HEPHL1: variants seen among roughly 807,000 people sequenced by gnomAD.
The protein encoded by HEPHL1 is ferroxidase HEPHL1.
Under a neutral mutation model 122.0 loss-of-function variants are expected in HEPHL1, and 123 were observed. The observed-to-expected ratio is 1.01, with a 90% CI of 0.87 to 1.17. The LOEUF is 1.17. Among genes scored for constraint, HEPHL1 ranks in the 50% most tolerant of loss-of-function variants. The pLI is 0.00. For synonymous variants in HEPHL1, 527 were observed against 508.9 expected, an observed-to-expected ratio of 1.04 and a Z score of -0.48; for missense variants, 1,452 against 1,430.5, an observed-to-expected ratio of 1.01 and a Z score of -0.24.
chr11:94,073,365 C>T lies in HEPHL1; in HGVS notation c.1430C>T (p.Ala477Val), dbSNP rs1371168492. 6.3e-7 allele frequency: 1 copy of T among 1,592,182 alleles called. No individual in the cohort carries two copies. Among genetic ancestry groups the T allele is most frequent in the South Asian group, 1.1e-5 (1 of 87,664 alleles). The part of the protein sequence containing the change: ...DTLLVTFANK[A>V]DKVYSILPHG... Reference sequence around the variant, plus strand: ...CTGTTAGTGACCTTTGCCAACAAAGCCGACAAGGTCTATAGCATTTTACCC... The same window carrying T: ...CTGTTAGTGACCTTTGCCAACAAAGTCGACAAGGTCTATAGCATTTTACCC... Residue 477 changes from alanine (A) to valine (V), a missense_variant, in exon 8 of 20, where the codon GCC (alanine) becomes GTC (valine). Ala to Val is a moderately conservative substitution (Grantham distance 64). Coordinates refer to ENST00000315765, the MANE Select transcript of HEPHL1 (RefSeq NM_001098672.2).
At chr11:94,043,092 T>C (rs1340243242) in intron 1 of HEPHL1, among the ~76,000 whole-genome samples, 1 of 151,986 alleles carries the variant, frequency 6.6e-6, no homozygotes, top group Non-Finnish European at 1.5e-5. Context: ...AACACATTTT[T>C]TAAATAAATT....
chr11:94,080,208 T>A (rs981853151), intron 9 of HEPHL1, among the ~76,000 whole-genome samples: 1 of 152,214 alleles, frequency 6.6e-6, no homozygotes, highest in African/African-American at 2.4e-5. Context: ...GGATTCCCTA[T>A]TTAATAAGTG....
chr11:94,089,704 C>G (rs896171901), intron 12 of HEPHL1, among the ~76,000 whole-genome samples: 1 of 152,264 alleles, frequency 6.6e-6, no homozygotes, highest in East Asian at 1.9e-4. Flanking sequence ...CCTCCTCCCC[C>G]AGGGCTAATC....
At chr11:94,059,411 T>C (rs889942409) in intron 2 of HEPHL1, among the ~76,000 whole-genome samples, 3 of 152,160 alleles carry the variant, frequency 2.0e-5, no homozygotes, top group Non-Finnish European at 4.4e-5. Flanking sequence ...GAATAGGAAT[T>C]GGCAAGCTGT....
At chr11:94,042,891 A>AAACAAAAAAC (rs1555058806) in intron 1 of HEPHL1, among the ~76,000 whole-genome samples, 1 of 149,060 alleles carries the variant, frequency 6.7e-6, no homozygotes, top group East Asian at 2.2e-4. Flanking sequence ...AAAAAAAAAA[A>AAACAAAAAAC]AACTGCATGA....
At chr11:94,037,201 C>G (rs577892591) in intron 1 of HEPHL1, among the ~76,000 whole-genome samples, 2 of 151,424 alleles carry the variant, frequency 1.3e-5, no homozygotes, top group Admixed American at 1.3e-4. Flanking sequence ...TATCCCGCAC[C>G]TGGCTCAGAG....
chr11:94,039,377 G>A (rs185422933), intron 1 of HEPHL1, among the ~76,000 whole-genome samples: 2 of 152,170 alleles, frequency 1.3e-5, no homozygotes, highest in Non-Finnish European at 2.9e-5. Context: ...AGATCTAATT[G>A]ACATCTACAG....
chr11:94,085,470 A>G (rs891704254), intron 10 of HEPHL1, among the ~76,000 whole-genome samples: 3 of 152,204 alleles, frequency 2.0e-5, no homozygotes, highest in Admixed American at 1.3e-4. Flanking sequence ...ATATGCACAT[A>G]TACTGTCAAT....
chr11:94,055,597 G>C (rs1047736586), intron 2 of HEPHL1: 3 of 321,704 alleles, frequency 9.3e-6, no homozygotes, highest in African/African-American at 2.1e-5. Flanking sequence ...GTAACATGAG[G>C]ATCTCTTAGT....
intron 2 of HEPHL1, among the ~76,000 whole-genome samples, chr11:94,048,589 T>C (rs1945860802): frequency 6.6e-6 from 1 of 152,026 alleles, no homozygotes; most frequent in Non-Finnish European, 1.5e-5. Context: ...CTCAAACTCC[T>C]GGCCTCAAGC....
In HEPHL1 at chr11:94,106,112, T is replaced by C. The variant is rs1278153869; in HGVS notation, c.3027T>C (p.Ala1009=). Reference sequence around the variant, plus strand: ...ACATACATACCATCCATTATCATGCTGAGAGCTTTCTTTTCAAAGTAAGTA... The same window carrying C: ...ACATACATACCATCCATTATCATGCCGAGAGCTTTCTTTTCAAAGTAAGTA... The part of the protein sequence containing the change: ...EVDIHTIHYH[A]ESFLFKIDKS... Residue 1009 remains alanine, a synonymous_variant, in exon 17 of 20, where the codon GCT becomes GCC. Transcript: ENST00000315765. The C allele has an allele frequency of 1.3e-6, 2 of 1,565,784 alleles. No individual in the cohort carries two copies. Among genetic ancestry groups the C allele is most frequent in the South Asian group, 1.2e-5 (1 of 82,754 alleles).
chr11:94,029,431 TCA>T lies in HEPHL1; in HGVS notation c.170+7895_170+7896del, dbSNP rs558700900. Among the ~76,000 whole-genome samples the T allele has an allele frequency of 2.6e-5, 4 of 152,228 alleles. No individual in the cohort carries two copies. The East Asian group carries it at 7.7e-4, about 29-fold the overall frequency. Reference sequence around the variant, plus strand: ...GCCCATCTAACTTGCAAAAGCAGAATCACTGTGGTCTTCTTTGGTTAGGAGGA... The same window carrying T: ...GCCCATCTAACTTGCAAAAGCAGAATCTGTGGTCTTCTTTGGTTAGGAGGA... On this transcript the variant is annotated intron_variant, in intron 1 of 19. Coordinates refer to ENST00000315765, the MANE Select transcript of HEPHL1 (RefSeq NM_001098672.2).
At chr11:94,050,788 C>T (rs1223043189) in intron 2 of HEPHL1, among the ~76,000 whole-genome samples, 1 of 151,950 alleles carries the variant, frequency 6.6e-6, no homozygotes, top group Non-Finnish European at 1.5e-5. Context: ...TTTTTGTATC[C>T]ATTAATCATC....
chr11:94,031,514 C>A (rs973161444), intron 1 of HEPHL1, among the ~76,000 whole-genome samples: 8 of 152,206 alleles, frequency 5.3e-5, no homozygotes, highest in African/African-American at 1.9e-4. Flanking sequence ...ATTTACCCAG[C>A]TGCCAGTTGA....
rs1456617912 is a variant in HEPHL1, at chr11:94,052,675, T to TG, written c.415+6758_415+6759insG. On this transcript the variant is annotated intron_variant, in intron 2 of 19. Transcript: ENST00000315765. ...TTGTATTCCTAGTTTGTTGAGAGTTTTTCACTAAGTAAGTACTGGATTTTT... is the reference window on the plus strand; with the variant it reads ...TTGTATTCCTAGTTTGTTGAGAGTTTGTTCACTAAGTAAGTACTGGATTTTT... 9.3e-4 allele frequency among the ~76,000 whole-genome samples: 141 copies of TG among 152,254 alleles called. 1 individual carries two copies. Among genetic ancestry groups the TG allele is most frequent in the African/African-American group, 3.4e-3 (140 of 41,588 alleles).
intron 1 of HEPHL1, among the ~76,000 whole-genome samples, chr11:94,028,608 C>A (rs922283753): frequency 6.6e-6 from 1 of 152,146 alleles, no homozygotes; most frequent in Non-Finnish European, 1.5e-5. Flanking sequence ...CCACTGGATT[C>A]TTTTGCAGCA....
chr11:94,108,851 G>A (rs1410020806), intron 17 of HEPHL1, among the ~76,000 whole-genome samples: 1 of 152,042 alleles, frequency 6.6e-6, no homozygotes, highest in Admixed American at 6.6e-5. Flanking sequence ...TATTCTAGAT[G>A]TTTGCCTTCC....
At chr11:94,042,875 T>TCAAAAAAAAAAAA (rs772689404) in intron 1 of HEPHL1, among the ~76,000 whole-genome samples, 1 of 63,168 alleles carries the variant, frequency 1.6e-5, no homozygotes, top group African/African-American at 6.7e-5. Flanking sequence ...TAAAGTATAA[T>TCAAAAAAAAAAAA]AAAAAAAAAA....
At chr11:94,037,075 G>C (rs997069811) in intron 1 of HEPHL1, among the ~76,000 whole-genome samples, 2 of 152,156 alleles carry the variant, frequency 1.3e-5, no homozygotes, top group African/African-American at 4.8e-5. Flanking sequence ...AGGGGTCAGG[G>C]AGTTCCCTTT....
Sources: gnomAD v4.1 joint callset for allele counts (sites outside exome capture counted in the v4.1 genomes callset) on GRCh38, gnomAD v4.1.1 for gene constraint, MANE v1.5 for transcripts, NCBI Gene and HGNC (gene_info 2026-07-23, HGNC 2026-07-21) for gene names.